Variants in HNF4A observed in about 807,000 individuals in gnomAD.
HNF4A encodes the protein hepatocyte nuclear factor 4-alpha.
In HNF4A, 15 loss-of-function variants were observed where a neutral mutation model predicts 52.4. The observed-to-expected ratio is 0.29, with a 90% confidence interval of 0.19 to 0.44. The LOEUF (loss-of-function observed/expected upper bound fraction) is 0.44. Ranked by LOEUF, HNF4A falls within the 20% of genes least tolerant of loss-of-function variation. The pLI, the probability that HNF4A is intolerant of heterozygous loss-of-function variation, is 1.00. For missense variants in HNF4A, 479 were observed against 647.2 expected, an observed-to-expected ratio of 0.74 and a Z score of 2.82; for synonymous variants, 280 against 264.4, an observed-to-expected ratio of 1.06 and a Z score of -0.57.
In HNF4A at chr20:44,429,979, C is replaced by A. The variant is rs1277756818; in HGVS notation, c.*314C>A. ...CCCCGACTTCATCCCAAAGGACAGCCGCCTGGAGATGACTTGAGGCCTTAC... is the reference window on the plus strand; with the variant it reads ...CCCCGACTTCATCCCAAAGGACAGCAGCCTGGAGATGACTTGAGGCCTTAC... On this transcript the variant is annotated 3_prime_UTR_variant, in exon 10 of 10. Transcript: ENST00000316099. 4 of 380,698 alleles carry A rather than the reference C, an allele frequency of 1.1e-5. No homozygotes were observed. The East Asian group carries it at 2.1e-4, about 20-fold the overall frequency. The allele number at this position is 380,698 out of a possible 1,614,324, so 23.6% of individuals were successfully genotyped here. A position where few individuals can be genotyped will look rare whatever the true frequency, so the allele number is the denominator to read the frequency against.
intron 1 of HNF4A, among the ~76,000 whole-genome samples, chr20:44,385,273 A>C (rs1345799771): frequency 1.3e-5 from 2 of 151,074 alleles, no homozygotes; most frequent in African/African-American, 2.4e-5. Flanking sequence ...CTCCTTGAGG[A>C]GTTTTCAAAG....
chr20:44,426,699 C>T (rs578061535), intron 8 of HNF4A, among the ~76,000 whole-genome samples: 2 of 152,108 alleles, frequency 1.3e-5, no homozygotes, highest in South Asian at 4.2e-4. Context: ...CCCAGCTACT[C>T]GGGAGGCTGA....
At chr20:44,389,208 T>C (rs2063272026) in intron 1 of HNF4A, among the ~76,000 whole-genome samples, 1 of 152,254 alleles carries the variant, frequency 6.6e-6, no homozygotes, top group East Asian at 1.9e-4. Flanking sequence ...CCCCAGGTGC[T>C]ATCACATCGC....
At chr20:44,384,509 A>T (rs2063195666) in intron 1 of HNF4A, 1 of 152,156 alleles carries the variant, frequency 6.6e-6, no homozygotes, top group Non-Finnish European at 1.5e-5. Flanking sequence ...TGAACAGCAA[A>T]GTTAATTGCT....
chr20:44,423,952 T>A, intron 7 of HNF4A, 66 bp from the exon 8 acceptor site: 1 of 1,492,866 alleles, frequency 6.7e-7, no homozygotes, highest in African/African-American at 1.4e-5. Context: ...GACATCTGGG[T>A]CTTGACTCCC....
At chr20:44,396,508 A>C (rs372107537), upstream of HNF4A, among the ~76,000 whole-genome samples, 4 of 152,082 alleles carry the variant, frequency 2.6e-5, no homozygotes, top group South Asian at 2.1e-4. Context: ...GTCCTCTGCT[A>C]TCCCCTGGAA....
At chr20:44,391,759 C>T (rs1442452348) in intron 1 of HNF4A, among the ~76,000 whole-genome samples, 1 of 152,148 alleles carries the variant, frequency 6.6e-6, no homozygotes, top group Non-Finnish European at 1.5e-5. Flanking sequence ...AGAGGCTACT[C>T]ATGTATGATC....
chr20:44,396,467 G>A (rs116395622), upstream of HNF4A, among the ~76,000 whole-genome samples: 1,453 of 152,138 alleles, frequency 9.6e-3, 27 homozygotes, highest in African/African-American at 0.033. Context: ...ATCCCTTCCC[G>A]TCTCAACTGG....
intron 1 of HNF4A, among the ~76,000 whole-genome samples, chr20:44,369,077 C>A (rs926447962): frequency 1.1e-4 from 17 of 151,608 alleles, no homozygotes; most frequent in Admixed American, 9.9e-4. Context: ...GAAACCCTGT[C>A]TCTACTAATA....
At chr20:44,374,538 A>G (rs1371379200) in intron 1 of HNF4A, among the ~76,000 whole-genome samples, 1 of 152,112 alleles carries the variant, frequency 6.6e-6, no homozygotes, top group Non-Finnish European at 1.5e-5. Context: ...ATCTCAGCTC[A>G]CTGCAACCTC....
chr20:44,388,909 C>T (rs1434879996), intron 1 of HNF4A, among the ~76,000 whole-genome samples: 1 of 152,214 alleles, frequency 6.6e-6, no homozygotes, highest in Non-Finnish European at 1.5e-5. Flanking sequence ...CCCCTGGCTC[C>T]CAGCCCCACA....
intron 1 of HNF4A, chr20:44,401,530 G>A (rs2063409423): frequency 1.2e-6 from 2 of 1,611,058 alleles, no homozygotes; most frequent in African/African-American, 1.3e-5. Context: ...GTGGGGGCAG[G>A]TGTGCCTGGG....
intron 1 of HNF4A, among the ~76,000 whole-genome samples, chr20:44,367,063 C>T (rs1047814490): frequency 1.3e-5 from 2 of 152,112 alleles, no homozygotes; most frequent in African/African-American, 4.8e-5. Flanking sequence ...TGGCCGGGTG[C>T]GGTGGCTCAC....
rs7266758 is a variant in HNF4A, at chr20:44,416,423, G to A, written c.648+1761G>A. ...GCCTGAAGTCACAGAGCAAGTTAGC[G>A]ACAGAACTGGGATTCAAATCCAGGT... On this transcript the variant is annotated intron_variant, in intron 5 of 9. Transcript: ENST00000316099. Among the ~76,000 whole-genome samples the A allele has an allele frequency of 3.4e-3, 519 of 152,380 alleles. 3 individuals carry two copies. Among genetic ancestry groups the A allele is most frequent in the African/African-American group, 0.012 (490 of 41,592 alleles).
intron 3 of HNF4A, 73 bp downstream of exon 3, chr20:44,407,548 A>G: frequency 9.8e-7 from 1 of 1,018,596 alleles, no homozygotes; most frequent in Non-Finnish European, 1.5e-6. Flanking sequence ...GTCATTTACA[A>G]CTGTAGCCAC....
chr20:44,367,199 G>A (rs1410605976), intron 1 of HNF4A, among the ~76,000 whole-genome samples: 2 of 152,088 alleles, frequency 1.3e-5, no homozygotes, highest in Non-Finnish European at 2.9e-5. Context: ...GCCAGGAGTG[G>A]TGGTGCTTGC....
At chr20:44,370,138 C>G (rs928173241) in intron 1 of HNF4A, among the ~76,000 whole-genome samples, 1 of 152,164 alleles carries the variant, frequency 6.6e-6, no homozygotes, top group South Asian at 2.1e-4. Flanking sequence ...GCCATTCTCC[C>G]GCCTCAGCCC....
chr20:44,363,103 G>A (rs964481099), intron 1 of HNF4A, among the ~76,000 whole-genome samples: 7 of 151,876 alleles, frequency 4.6e-5, no homozygotes, highest in Non-Finnish European at 5.9e-5. Context: ...TGATCTGCCC[G>A]CCTCGGCCTC....
chr20:44,382,839 A>T (rs560104597), intron 1 of HNF4A, among the ~76,000 whole-genome samples: 1 of 152,094 alleles, frequency 6.6e-6, no homozygotes, highest in Non-Finnish European at 1.5e-5. Context: ...TTTTTAACCA[A>T]TGCAGAGGAT....
Sources: allele counts gnomAD v4.1 joint callset (sites outside exome capture counted in the v4.1 genomes callset), GRCh38; gene constraint gnomAD v4.1.1; transcripts MANE v1.5; gene names NCBI Gene and HGNC (gene_info 2026-07-23, HGNC 2026-07-21).